Variants in PTPN12 observed in about 807,000 individuals in gnomAD.
PTPN12 encodes the protein tyrosine-protein phosphatase non-receptor type 12.
A neutral mutation model predicts 97.6 loss-of-function variants in PTPN12; 29 were observed. That is an observed-to-expected ratio of 0.30 (90% confidence interval 0.22 to 0.41). The LOEUF (loss-of-function observed/expected upper bound fraction) is 0.41, where lower values mean the gene tolerates loss of function less well. PTPN12 is among the 10% of genes least tolerant of loss of function. PTPN12 has a pLI of 1.00. For missense variants in PTPN12, 819 were observed against 926.0 expected (o/e 0.88, Z 1.50); for synonymous variants, 327 against 300.4 (o/e 1.09, Z -0.91).
chr7:77,583,781 A>G, intron 4 of PTPN12, 131 bp downstream of exon 4: 1 of 537,640 alleles, frequency 1.9e-6, no homozygotes, highest in Non-Finnish European at 3.1e-6. Flanking sequence ...GATGTTTACT[A>G]AAAAGATGGA....
At chr7:77,605,409 G>GTTTGTTTTTTTTTT (rs1554321238) in intron 8 of PTPN12, among the ~76,000 whole-genome samples, 2 of 95,560 alleles carry the variant, frequency 2.1e-5, no homozygotes, top group African/African-American at 8.3e-5. Context: ...TTTGTCATGA[G>GTTTGTTTTTTTTTT]TTTTTTTTTT....
intron 1 of PTPN12, among the ~76,000 whole-genome samples, chr7:77,565,727 G>T (rs970365329): frequency 5.3e-5 from 8 of 152,094 alleles, no homozygotes; most frequent in Admixed American, 2.6e-4. Flanking sequence ...TAGGATTAGG[G>T]GAATACAAAT....
At chr7:77,561,788 A>AAT (rs1260552132) in intron 1 of PTPN12, among the ~76,000 whole-genome samples, 3 of 150,852 alleles carry the variant, frequency 2.0e-5, no homozygotes, top group Non-Finnish European at 4.4e-5. Context: ...AATTAATTTT[A>AAT]TTTATTTATT....
intron 12 of PTPN12, among the ~76,000 whole-genome samples, chr7:77,618,784 G>C (rs563923436): frequency 2.6e-5 from 4 of 152,126 alleles, no homozygotes; most frequent in Non-Finnish European, 5.9e-5. Context: ...GCAGAATGTG[G>C]ATACTACCAT....
At chr7:77,633,334 A>G (rs1221663398) in intron 14 of PTPN12, among the ~76,000 whole-genome samples, 1 of 151,924 alleles carries the variant, frequency 6.6e-6, no homozygotes, top group East Asian at 1.9e-4. Flanking sequence ...TAAAAATAGC[A>G]CTTATTGACT....
Position 77,625,472 on chromosome 7 carries a change from G to GCGCGCGCGCGCTCTCTCTCTCT in PTPN12, c.1026-1232_1026-1231insGCGCGCGCGCTCTCTCTCTCTC, listed in dbSNP as rs1554326597. Among the ~76,000 whole-genome samples, 2 of 33,522 alleles carry GCGCGCGCGCGCTCTCTCTCTCT rather than the reference G, an allele frequency of 6.0e-5. 1 individual carries two copies. Among genetic ancestry groups the GCGCGCGCGCGCTCTCTCTCTCT allele is most frequent in the Non-Finnish European group, 1.0e-4 (2 of 20,030 alleles). 22.0% of individuals were successfully genotyped at this position (33,522 alleles called of 152,430 possible). ...TTTTGCCATATTGCCCAGGCTGCTC[G>GCGCGCGCGCGCTCTCTCTCTCT]CTCTCTCTCTCTCTCTCTCTCTCTC... On this transcript the variant is annotated intron_variant, in intron 12 of 17. Coordinates refer to ENST00000248594, the MANE Select transcript of PTPN12 (RefSeq NM_002835.4).
At chr7:77,563,103 T>C (rs17381111) in intron 1 of PTPN12, among the ~76,000 whole-genome samples, 2,788 of 152,330 alleles carry the variant, frequency 0.018, 34 homozygotes, top group Middle Eastern at 0.071. Context: ...TATTACTACA[T>C]GCATTCAGGG....
At chr7:77,604,790 A>G in intron 8 of PTPN12, 1 of 294,246 alleles carries the variant, frequency 3.4e-6, no homozygotes, top group East Asian at 9.5e-5. Flanking sequence ...ATATGTTTAT[A>G]TCATATATAT....
intron 1 of PTPN12, among the ~76,000 whole-genome samples, chr7:77,551,677 T>A (rs767207477): frequency 1.9e-4 from 29 of 152,228 alleles, no homozygotes; most frequent in Non-Finnish European, 3.8e-4. Context: ...CCCCATAAAC[T>A]TTGCTTCACC....
At chr7:77,571,663 T>C (rs1433188858) in intron 2 of PTPN12, among the ~76,000 whole-genome samples, 1 of 152,064 alleles carries the variant, frequency 6.6e-6, no homozygotes, top group Non-Finnish European at 1.5e-5. Context: ...TAAGTATATG[T>C]CTTAGACTGA....
intron 14 of PTPN12, among the ~76,000 whole-genome samples, chr7:77,633,719 G>A (rs1393146794): frequency 6.6e-6 from 1 of 152,016 alleles, no homozygotes; most frequent in Non-Finnish European, 1.5e-5. Context: ...TTAACTGAAA[G>A]ACATTTAACA....
intron 2 of PTPN12, among the ~76,000 whole-genome samples, chr7:77,573,612 G>A (rs1399008885): frequency 6.6e-6 from 1 of 152,196 alleles, no homozygotes; most frequent in East Asian, 1.9e-4. Flanking sequence ...GGGATGACAT[G>A]GCTTTCTGGA....
In PTPN12 at chr7:77,597,913, C is replaced by T. The variant is rs769955030; in HGVS notation, c.552+12C>T. On this transcript the variant is annotated intron_variant, in intron 7 of 17. Transcript: ENST00000248594. ...TTGAATTTCAAAATGTAGGTACTTA[C>T]CATTTATAGACTATCTGTAAGAATA... The T allele has an allele frequency of 5.6e-6, 9 of 1,610,922 alleles. No homozygotes were observed. Among genetic ancestry groups the T allele is most frequent in the East Asian group, 2.2e-5 (1 of 44,778 alleles).
At chr7:77,539,836 A>G (rs1243868054) in intron 1 of PTPN12, among the ~76,000 whole-genome samples, 1 of 152,052 alleles carries the variant, frequency 6.6e-6, no homozygotes, top group Admixed American at 6.6e-5. Context: ...GCAAGCTACC[A>G]CGCCCTGCTA....
At chr7:77,628,347 T>C (rs1192110511) in intron 13 of PTPN12, among the ~76,000 whole-genome samples, 1 of 152,222 alleles carries the variant, frequency 6.6e-6, no homozygotes, top group Non-Finnish European at 1.5e-5. Context: ...AAGTGTATTA[T>C]TGCTTCTTGA....
At chr7:77,628,789 A>C (rs897093643) in intron 13 of PTPN12, among the ~76,000 whole-genome samples, 2 of 151,604 alleles carry the variant, frequency 1.3e-5, no homozygotes, top group Non-Finnish European at 1.5e-5. Context: ...CTGCCCACCT[A>C]GGCCTCCCAA....
At chr7:77,621,294 C>T (rs1258611587) in intron 12 of PTPN12, among the ~76,000 whole-genome samples, 1 of 152,082 alleles carries the variant, frequency 6.6e-6, no homozygotes, top group Non-Finnish European at 1.5e-5. Flanking sequence ...GTGCCCTCTT[C>T]TAGAATACCT....
Position 77,585,625 on chromosome 7 carries a change from A to G in PTPN12, c.420+44A>G, listed in dbSNP as rs537399506. 48 of 1,493,374 alleles carry G rather than the reference A, an allele frequency of 3.2e-5. No homozygotes were observed. In the South Asian group the frequency reaches 5.3e-4, roughly 16 times the overall value. The allele number at this position is 1,493,374 out of a possible 1,614,324, so 92.5% of individuals were successfully genotyped here. A position where few individuals can be genotyped will look rare whatever the true frequency, so the allele number is the denominator to read the frequency against. On this transcript the variant is annotated intron_variant, in intron 5 of 17. Coordinates refer to ENST00000248594, the MANE Select transcript of PTPN12 (RefSeq NM_002835.4). ...TCTTACTATTTCATTTTTACGGATA[A>G]ATATTCTTAGTCTTTTATTATTATA... is the stretch of plus-strand genomic sequence containing the variant.
In PTPN12 at chr7:77,637,946, T is replaced by A. The variant is rs898214821; in HGVS notation, c.2174-678T>A. Among the ~76,000 whole-genome samples, 254 of 47,042 alleles carry A rather than the reference T, an allele frequency of 5.4e-3. 8 individuals are homozygous for A. The highest frequency in any genetic ancestry group is 0.019 in the Middle Eastern group (2 of 108). The allele number at this position is 47,042 out of a possible 152,430, so 30.9% of individuals were successfully genotyped here. A position where few individuals can be genotyped will look rare whatever the true frequency, so the allele number is the denominator to read the frequency against. The stretch of plus-strand genomic sequence containing the variant: ...CCCTGACCTTGTTGATTTCTTAAAA[T>A]TTTTTTTTTTTTTTTTTTTTTTTTT... On this transcript the variant is annotated intron_variant, in intron 16 of 17. Coordinates refer to ENST00000248594, the MANE Select transcript of PTPN12 (RefSeq NM_002835.4).
Sources: gnomAD v4.1 joint callset for allele counts (sites outside exome capture counted in the v4.1 genomes callset) on GRCh38, gnomAD v4.1.1 for gene constraint, MANE v1.5 for transcripts, NCBI Gene and HGNC (gene_info 2026-07-23, HGNC 2026-07-21) for gene names.